ZBTB20: variants seen among roughly 807,000 people sequenced by gnomAD.
ZBTB20 encodes the protein zinc finger and BTB domain containing 20.
In ZBTB20, 9 loss-of-function variants were observed where a neutral mutation model predicts 56.9. The observed-to-expected ratio is 0.16, with a 90% confidence interval of 0.10 to 0.28. ZBTB20 has a LOEUF of 0.28. Ranked by LOEUF, ZBTB20 falls within the 10% of genes least tolerant of loss-of-function variation. The pLI, the probability that ZBTB20 is intolerant of heterozygous loss-of-function variation, is 1.00. For synonymous variants in ZBTB20, 417 were observed against 420.7 expected, an observed-to-expected ratio of 0.99 and a Z score of 0.11; for missense variants, 655 against 1,003.0, an observed-to-expected ratio of 0.65 and a Z score of 4.69.
At chr3:114,712,376 C>T (rs1050001706) in intron 5 of ZBTB20, among the ~76,000 whole-genome samples, 1 of 152,000 alleles carries the variant, frequency 6.6e-6, no homozygotes, top group East Asian at 1.9e-4. Context: ...TCAGGCCGGG[C>T]GCGGTGGCTC....
intron 4 of ZBTB20, among the ~76,000 whole-genome samples, chr3:114,809,091 TC>T (rs2072329196): frequency 6.6e-6 from 1 of 151,614 alleles, no homozygotes; most frequent in Admixed American, 6.6e-5. Context: ...GTCTTTTTTT[TC>T]TTGTTACTGT....
At position 114,935,359 on chromosome 3, in the gene ZBTB20, A is replaced by C. The variant is rs2076497642; in HGVS notation, c.-455-35017T>G. Reference sequence around the variant, plus strand: ...GAGACACACTTGAGGAAGCTCTTCAAGGCTGGTCTTCAGGGAAATAAAGAC... The same window carrying C: ...GAGACACACTTGAGGAAGCTCTTCACGGCTGGTCTTCAGGGAAATAAAGAC... On this transcript the variant is annotated intron_variant, in intron 3 of 11. Coordinates refer to ENST00000675478, the MANE Select transcript of ZBTB20 (RefSeq NM_001348800.3). Among the ~76,000 whole-genome samples, 6 of 152,358 alleles carry C rather than the reference A, an allele frequency of 3.9e-5. No individual in the cohort carries two copies. The South Asian group carries it at 1.0e-3, about 26-fold the overall frequency.
intron 5 of ZBTB20, among the ~76,000 whole-genome samples, chr3:114,731,417 C>T (rs1294954651): frequency 6.6e-6 from 1 of 152,130 alleles, no homozygotes; most frequent in Non-Finnish European, 1.5e-5. Flanking sequence ...CCCATAATTC[C>T]AGTCTTTCAA....
intron 1 of ZBTB20, among the ~76,000 whole-genome samples, chr3:115,081,395 T>C (rs568235512): frequency 2.5e-4 from 38 of 152,232 alleles, no homozygotes; most frequent in African/African-American, 8.9e-4. Context: ...CACTATCCTA[T>C]ATCCAGTTCA....
At chr3:115,111,154 T>C (rs1332188530) in intron 1 of ZBTB20, among the ~76,000 whole-genome samples, 1 of 152,064 alleles carries the variant, frequency 6.6e-6, no homozygotes, top group Non-Finnish European at 1.5e-5. Context: ...GATGGCACTT[T>C]ACCACTGAAA....
chr3:115,039,494 G>A (rs898585031), intron 2 of ZBTB20, among the ~76,000 whole-genome samples: 4 of 151,772 alleles, frequency 2.6e-5, no homozygotes, highest in South Asian at 2.1e-4. Context: ...CACAGATGAC[G>A]TGTTGCTTGA....
Position 115,054,192 on chromosome 3 carries a change from ACTTC to A in ZBTB20, c.-507+17023_-507+17026del, listed in dbSNP as rs373590889. Among the ~76,000 whole-genome samples the A allele has an allele frequency of 7.0e-4, 107 of 152,134 alleles. 1 individual carries two copies. The highest frequency in any genetic ancestry group is 2.4e-3 in the African/African-American group (101 of 41,454). On this transcript the variant is annotated intron_variant, in intron 2 of 11. Transcript: ENST00000675478. ...TATAGAGAAATAGCTGTGAAAAAAT[ACTTC>A]TTATTGTGATAAAAATATCAAATGA...
At position 114,598,722 on chromosome 3, in the gene ZBTB20, T is replaced by C. The variant is rs565753077; in HGVS notation, c.-295+94806A>G. Among the ~76,000 whole-genome samples, 3 of 152,216 alleles carry C rather than the reference T, an allele frequency of 2.0e-5. No individual in the cohort carries two copies. The South Asian group carries it at 6.2e-4, about 32-fold the overall frequency. ...ATTTTTTTCTCTTCATTTTTTTATA[T>C]ACTGGAAAATTTAATATATCATATT... On this transcript the variant is annotated intron_variant, in intron 6 of 11. Transcript: ENST00000675478.
chr3:115,028,045 C>T (rs556142041), intron 2 of ZBTB20, among the ~76,000 whole-genome samples: 12 of 150,770 alleles, frequency 8.0e-5, no homozygotes, highest in African/African-American at 2.9e-4. Context: ...TCTGAGTAAA[C>T]ATCCATTCAT....
At chr3:114,466,269 C>T (rs1013452762) in intron 7 of ZBTB20, among the ~76,000 whole-genome samples, 2 of 152,156 alleles carry the variant, frequency 1.3e-5, no homozygotes, top group African/African-American at 4.8e-5. Context: ...ATTGTAAGCA[C>T]TTCACACCCC....
intron 6 of ZBTB20, among the ~76,000 whole-genome samples, chr3:114,602,617 T>C (rs998834420): frequency 6.6e-5 from 10 of 152,014 alleles, no homozygotes; most frequent in Non-Finnish European, 1.5e-4. Context: ...ATTATTTGAA[T>C]GTGCCTGTTT....
chr3:114,613,902 A>G (rs530346283), intron 6 of ZBTB20, among the ~76,000 whole-genome samples: 3 of 152,172 alleles, frequency 2.0e-5, no homozygotes, highest in Non-Finnish European at 4.4e-5. Flanking sequence ...CTTATTATAT[A>G]CTAGGTATTG....
chr3:114,669,148 A>G (rs2061223253), intron 6 of ZBTB20, among the ~76,000 whole-genome samples: 1 of 152,048 alleles, frequency 6.6e-6, no homozygotes, highest in African/African-American at 2.4e-5. Context: ...GGGGTGCTCC[A>G]ATGGGGAGAG....
intron 7 of ZBTB20, among the ~76,000 whole-genome samples, chr3:114,497,847 A>T (rs2043462212): frequency 6.6e-6 from 1 of 152,242 alleles, no homozygotes; most frequent in African/African-American, 2.4e-5. Context: ...TAATTAATCA[A>T]AACGAAGCCA....
At chr3:115,010,080 A>G in intron 2 of ZBTB20, among the ~76,000 whole-genome samples, 1 of 151,990 alleles carries the variant, frequency 6.6e-6, no homozygotes, top group East Asian at 1.9e-4. Flanking sequence ...AAAAAACAAA[A>G]CAATGAGCAT....
rs541758172 is a variant in ZBTB20, at chr3:114,331,797, C to T, written c.*7208G>A. ...AGATACGTGAGATATGTCAGACCTT[C>T]GACTTCTAACCAGAAGTTCAAAAAT... On this transcript the variant is annotated 3_prime_UTR_variant, in exon 12 of 12. Coordinates refer to ENST00000675478, the MANE Select transcript of ZBTB20 (RefSeq NM_001348800.3). 4 of 152,268 alleles carry T rather than the reference C, an allele frequency of 2.6e-5. No homozygotes were observed. In the East Asian group the frequency reaches 7.7e-4, roughly 29 times the overall value. 9.4% of individuals were successfully genotyped at this position (152,268 alleles called of 1,614,324 possible).
intron 2 of ZBTB20, among the ~76,000 whole-genome samples, chr3:115,014,097 T>C (rs560299880): frequency 1.3e-5 from 2 of 151,836 alleles, no homozygotes; most frequent in Non-Finnish European, 2.9e-5. Context: ...CAGAATGAGA[T>C]CCTGTCATTT....
chr3:114,431,817 G>A (rs147638716), intron 7 of ZBTB20, among the ~76,000 whole-genome samples: 1 of 152,250 alleles, frequency 6.6e-6, no homozygotes, highest in Admixed American at 6.5e-5. Context: ...CTGTTTAACA[G>A]ACCAAATGCT....
In ZBTB20 at chr3:115,105,836, G is replaced by T. The variant is rs532132344; in HGVS notation, c.-702-34422C>A. Among the ~76,000 whole-genome samples the T allele has an allele frequency of 1.6e-3, 240 of 152,216 alleles. 1 individual carries two copies. The highest frequency in any genetic ancestry group is 5.0e-4 in the Non-Finnish European group (34 of 67,978). Reference sequence around the variant, plus strand: ...TTTTGGGGGTTTTGTTTGTTTGTTTGTTTTTTGAGACAGCTCCGTCGCCCA... The same window carrying T: ...TTTTGGGGGTTTTGTTTGTTTGTTTTTTTTTTGAGACAGCTCCGTCGCCCA... On this transcript the variant is annotated intron_variant, in intron 1 of 11. Transcript: ENST00000675478.
Sources: gnomAD v4.1 joint callset for allele counts (sites outside exome capture counted in the v4.1 genomes callset) on GRCh38, gnomAD v4.1.1 for gene constraint, MANE v1.5 for transcripts, NCBI Gene and HGNC (gene_info 2026-07-23, HGNC 2026-07-21) for gene names.